Variants in IRF2 observed in about 807,000 individuals in gnomAD.
IRF2 encodes the protein interferon regulatory factor 2.
Under a neutral mutation model 40.6 loss-of-function variants are expected in IRF2, and 15 were observed. That is an observed-to-expected ratio of 0.37 (90% CI 0.25 to 0.57). The LOEUF is 0.57. IRF2 is among the 20% of genes least tolerant of loss of function. The pLI, the probability that IRF2 is intolerant of heterozygous loss-of-function variation, is 0.77. For missense variants in IRF2, 317 were observed against 455.7 expected (o/e 0.70, Z 2.77); for synonymous variants, 151 against 165.5 (o/e 0.91, Z 0.67).
At chr4:184,392,448 GA>G (rs1736291676) in intron 7 of IRF2, among the ~76,000 whole-genome samples, 3 of 152,252 alleles carry the variant, frequency 2.0e-5, no homozygotes, top group Non-Finnish European at 4.4e-5. Context: ...TGCCATGTCA[GA>G]GGCTTTGCAT....
intron 5 of IRF2, among the ~76,000 whole-genome samples, chr4:184,411,310 C>A (rs193126218): frequency 3.3e-5 from 5 of 152,126 alleles, no homozygotes; most frequent in South Asian, 2.1e-4. Flanking sequence ...CTGCCCACCT[C>A]GGCCTCCCAA....
At chr4:184,435,622 G>A (rs1482385784) in intron 1 of IRF2, among the ~76,000 whole-genome samples, 2 of 152,204 alleles carry the variant, frequency 1.3e-5, no homozygotes, top group Non-Finnish European at 1.5e-5. Flanking sequence ...TGACATTTAG[G>A]GCTGCTGTCG....
In IRF2 at chr4:184,387,844, G is replaced by A. The variant is rs2149888952; in HGVS notation, c.*914C>T. The A allele has an allele frequency of 6.6e-6, 1 of 151,650 alleles. No homozygotes were observed. The highest frequency in any genetic ancestry group is 6.6e-5 in the Admixed American group (1 of 15,232). The allele number at this position is 151,650 out of a possible 1,614,324, so 9.4% of individuals were successfully genotyped here. A position where few individuals can be genotyped will look rare whatever the true frequency, so the allele number is the denominator to read the frequency against. On this transcript the variant is annotated 3_prime_UTR_variant, in exon 9 of 9. Coordinates refer to ENST00000393593, the MANE Select transcript of IRF2 (RefSeq NM_002199.4). Reference sequence around the variant, plus strand: ...ATTAAAAAAAAAAATGTGCCACAAGGATGTAATAACAACTGCTGATAAACA... The same window carrying A: ...ATTAAAAAAAAAAATGTGCCACAAGAATGTAATAACAACTGCTGATAAACA...
At chr4:184,398,666 A>T (rs4862367) in intron 7 of IRF2, among the ~76,000 whole-genome samples, 96,947 of 147,038 alleles carry the variant, frequency 0.66, 32,846 homozygotes, top group East Asian at 0.9. Flanking sequence ...AAAAAAAAAA[A>T]AAATAAATAA....
chr4:184,423,222 G>C (rs1344804166), intron 2 of IRF2, among the ~76,000 whole-genome samples: 1 of 152,204 alleles, frequency 6.6e-6, no homozygotes, highest in Non-Finnish European at 1.5e-5. Flanking sequence ...CGAGTGACCA[G>C]TCCTGCACAC....
At chr4:184,407,077 G>C (rs1032485107) in intron 6 of IRF2, 2 of 600,240 alleles carry the variant, frequency 3.3e-6, no homozygotes, top group African/African-American at 3.9e-5. Context: ...AACACAACAG[G>C]GTTATAGAGC....
In IRF2 at chr4:184,390,739, C is replaced by T. The variant is rs77140332; in HGVS notation, c.705G>A (p.Thr235=). 2.3e-3 allele frequency: 3,687 copies of T among 1,614,184 alleles called. 79 individuals are homozygous for T. The African/African-American group carries it at 0.043, about 19-fold the overall frequency. ...SPVSSYAESE[T]TDSVPSDEES... ...CTTCATCGCTGGGCACACTATCAGTCGTTTCGCTTTCTGTTCACAGAGAGA... is the reference window on the plus strand; with the variant it reads ...CTTCATCGCTGGGCACACTATCAGTTGTTTCGCTTTCTGTTCACAGAGAGA... The change falls in exon 8 of 9, where the codon ACG becomes ACA. Residue 235 remains threonine (T), a synonymous_variant. Transcript: ENST00000393593.
In IRF2 at chr4:184,467,783, A is replaced by T. The variant is rs186144442; in HGVS notation, c.-7+6596T>A. Among the ~76,000 whole-genome samples the T allele has an allele frequency of 9.4e-4, 143 of 152,372 alleles. 1 individual carries two copies. Among genetic ancestry groups the T allele is most frequent in the Middle Eastern group, 3.4e-3 (1 of 294 alleles). On this transcript the variant is annotated intron_variant, in intron 1 of 8. Coordinates refer to ENST00000393593, the MANE Select transcript of IRF2 (RefSeq NM_002199.4). ...TGATGGCATTAGGTGTGCGAGTATC[A>T]AATGCCTTCAGCAGATAGCAACAGT...
At chr4:184,429,317 A>G (rs1007866436) in intron 1 of IRF2, among the ~76,000 whole-genome samples, 2 of 152,096 alleles carry the variant, frequency 1.3e-5, no homozygotes, top group Admixed American at 6.5e-5. Flanking sequence ...TCCTATGGAC[A>G]TTGGAGACCA....
At chr4:184,403,900 A>C (rs890380212) in intron 6 of IRF2, among the ~76,000 whole-genome samples, 3 of 152,208 alleles carry the variant, frequency 2.0e-5, no homozygotes, top group Non-Finnish European at 4.4e-5. Flanking sequence ...ACATCTGAAA[A>C]GAGTCACCCA....
In IRF2 at chr4:184,463,518, T is replaced by A. The variant is rs1739216579; in HGVS notation, c.-7+10861A>T. Among the ~76,000 whole-genome samples the A allele has an allele frequency of 2.6e-5, 4 of 152,370 alleles. No homozygotes were observed. The South Asian group carries it at 8.3e-4, about 32-fold the overall frequency. On this transcript the variant is annotated intron_variant, in intron 1 of 8. Coordinates refer to ENST00000393593, the MANE Select transcript of IRF2 (RefSeq NM_002199.4). ...TAACGACATACTGAAATATTTTAGA[T>A]AAAATTAGTTAAATGAGATATATTA...
chr4:184,465,979 C>G (rs2149919217), intron 1 of IRF2, among the ~76,000 whole-genome samples: 1 of 152,192 alleles, frequency 6.6e-6, no homozygotes, highest in South Asian at 2.1e-4. Flanking sequence ...GTGGAGTACT[C>G]AGTGCCCCAC....
Position 184,419,571 on chromosome 4 carries a change from G to C in IRF2, c.88-3C>G. Reference sequence around the variant, plus strand: ...GGGATCTGAAAAATCTTCTTTTCCTGAAAAAAAAAAAAAAAAAAAAGGTAA... The same window carrying C: ...GGGATCTGAAAAATCTTCTTTTCCTCAAAAAAAAAAAAAAAAAAAAGGTAA... On this transcript the variant is annotated splice_polypyrimidine_tract_variant and splice_region_variant and intron_variant, in intron 2 of 8. Transcript: ENST00000393593. 4.7e-5 allele frequency: 43 copies of C among 911,496 alleles called. No individual in the cohort carries two copies. The highest frequency in any genetic ancestry group is 8.0e-5 in the African/African-American group (4 of 50,046). 56.5% of individuals were successfully genotyped at this position (911,496 alleles called of 1,614,324 possible).
chr4:184,390,577 C>A lies in IRF2; in HGVS notation c.741+126G>T, dbSNP rs117772053. The stretch of plus-strand genomic sequence containing the variant: ...TTCTGGTGATGCATATTTCACCACA[C>A]AAGAAAATCCCAAAGTGAAGCTTGT... On this transcript the variant is annotated intron_variant, in intron 8 of 8. Transcript: ENST00000393593. 9.9e-4 allele frequency: 903 copies of A among 910,684 alleles called. 8 individuals carry two copies. The East Asian group carries it at 0.019, about 19-fold the overall frequency. The allele number at this position is 910,684 out of a possible 1,614,324, so 56.4% of individuals were successfully genotyped here.
Position 184,417,051 on chromosome 4 carries a change from TA to T in IRF2, c.411+1115del, listed in dbSNP as rs546283809. 2.9e-3 allele frequency among the ~76,000 whole-genome samples: 441 copies of T among 152,040 alleles called. 1 individual carries two copies. Among genetic ancestry groups the T allele is most frequent in the Middle Eastern group, 0.014 (4 of 294 alleles). On this transcript the variant is annotated intron_variant, in intron 5 of 8. Coordinates refer to ENST00000393593, the MANE Select transcript of IRF2 (RefSeq NM_002199.4). Reference sequence around the variant, plus strand: ...AATAGAGCAAAACTCCATCTCAGTTTAAAAAAAATTAAATAAATAAATTACT... The same window carrying T: ...AATAGAGCAAAACTCCATCTCAGTTTAAAAAAATTAAATAAATAAATTACT...
At chr4:184,398,827 C>T in intron 7 of IRF2, 88 bp downstream of exon 7, 1 of 1,202,202 alleles carries the variant, frequency 8.3e-7, no homozygotes, top group South Asian at 1.5e-5. Flanking sequence ...AGGAGGGATG[C>T]TCCGTGGGGT....
intron 1 of IRF2, among the ~76,000 whole-genome samples, chr4:184,452,161 C>T (rs1238582170): frequency 6.6e-6 from 1 of 152,166 alleles, no homozygotes; most frequent in Non-Finnish European, 1.5e-5. Context: ...CCCAGCACTG[C>T]AGTCATGGGA....
intron 1 of IRF2, among the ~76,000 whole-genome samples, chr4:184,442,110 G>A (rs112559342): frequency 7.2e-5 from 11 of 152,060 alleles, no homozygotes; most frequent in African/African-American, 2.7e-4. Flanking sequence ...GAGCTGGCCC[G>A]GGTGCACAGG....
At chr4:184,464,929 G>A (rs1739270671) in intron 1 of IRF2, among the ~76,000 whole-genome samples, 1 of 151,788 alleles carries the variant, frequency 6.6e-6, no homozygotes, top group African/African-American at 2.4e-5. Context: ...TCAACAAAGT[G>A]TAGCCCACAT....
Sources: gnomAD v4.1 joint callset for allele counts (sites outside exome capture counted in the v4.1 genomes callset) on GRCh38, gnomAD v4.1.1 for gene constraint, MANE v1.5 for transcripts, NCBI Gene and HGNC (gene_info 2026-07-23, HGNC 2026-07-21) for gene names.